RBPMS: variants seen among roughly 807,000 people sequenced by gnomAD.
RBPMS encodes RNA-binding protein with multiple splicing.
In RBPMS, 7 loss-of-function variants were observed where a neutral mutation model predicts 26.8. That is an observed-to-expected ratio of 0.26 (90% CI 0.15 to 0.49). The LOEUF (loss-of-function observed/expected upper bound fraction) is 0.49. RBPMS is among the 20% of genes least tolerant of loss of function. The probability of loss-of-function intolerance (pLI) is 0.98; values close to 1 mark genes in which losing one functional copy is unlikely to be tolerated. For missense variants in RBPMS, 186 were observed against 250.0 expected (o/e 0.74, Z 1.73); for synonymous variants, 96 against 93.3 (o/e 1.03, Z -0.17).
At chr8:30,569,790 G>A (rs1373027022) in intron 8 of RBPMS, among the ~76,000 whole-genome samples, 3 of 152,206 alleles carry the variant, frequency 2.0e-5, no homozygotes, top group East Asian at 3.8e-4. Flanking sequence ...GGGGTGCACA[G>A]GGATGAGTCT....
intron 6 of RBPMS, chr8:30,544,999 G>GA: frequency 6.9e-7 from 1 of 1,449,112 alleles, no homozygotes; most frequent in South Asian, 1.4e-5. Context: ...TGTGCTAGGA[G>GA]AAGGGGATAT....
chr8:30,538,959 T>G (rs1229084828), intron 5 of RBPMS, among the ~76,000 whole-genome samples: 1 of 152,108 alleles, frequency 6.6e-6, no homozygotes, highest in African/African-American at 2.4e-5. Context: ...TGGGCTACAT[T>G]CTTAGTCCTG....
In RBPMS at chr8:30,428,272, C is replaced by T. The variant is rs1257602024; in HGVS notation, c.66+43114C>T. On this transcript the variant is annotated intron_variant, in intron 1 of 8. Transcript: ENST00000397323. Reference sequence around the variant, plus strand: ...TCTTGACCTCGTAATCCGCCTGCCTCGTCCTCCCAAAGTGCTGGGATTACA... The same window carrying T: ...TCTTGACCTCGTAATCCGCCTGCCTTGTCCTCCCAAAGTGCTGGGATTACA... Among the ~76,000 whole-genome samples, 16 of 151,900 alleles carry T rather than the reference C, an allele frequency of 1.1e-4. No homozygotes were observed. In the East Asian group the frequency reaches 2.1e-3, roughly 20 times the overall value.
chr8:30,558,538 C>T, intron 6 of RBPMS: 1 of 406,424 alleles, frequency 2.5e-6, no homozygotes, highest in Non-Finnish European at 4.6e-6. Context: ...GATAGCCTTT[C>T]ACCAGCCTAG....
At position 30,547,391 on chromosome 8, in the gene RBPMS, A is replaced by T. The variant is rs1307329711; in HGVS notation, c.528+2767A>T. On this transcript the variant is annotated intron_variant, in intron 6 of 8. Coordinates refer to ENST00000397323, the MANE Select transcript of RBPMS (RefSeq NM_001008710.3). The stretch of plus-strand genomic sequence containing the variant: ...GAATGTGTTTGTAACATACCAACCT[A>T]CTGCAGACCAGCAGAGGGAGCTCCC... 5 of 1,609,376 alleles carry T rather than the reference A, an allele frequency of 3.1e-6. No individual in the cohort carries two copies. The Admixed American group carries it at 8.5e-5, about 27-fold the overall frequency.
Position 30,424,863 on chromosome 8 carries a change from C to T in RBPMS, c.66+39705C>T, listed in dbSNP as rs527682139. 3.3e-5 allele frequency among the ~76,000 whole-genome samples: 5 copies of T among 152,200 alleles called. No individual in the cohort carries two copies. The South Asian group carries it at 8.3e-4, about 25-fold the overall frequency. On this transcript the variant is annotated intron_variant, in intron 1 of 8. Transcript: ENST00000397323. ...TGTTGTATTTCCAAGTTTTTTGACA[C>T]TCTTGGATTTTATTTTCTTGGGTAC...
At chr8:30,449,160 G>T (rs907799135) in intron 1 of RBPMS, among the ~76,000 whole-genome samples, 1 of 152,154 alleles carries the variant, frequency 6.6e-6, no homozygotes. Flanking sequence ...ATGCTTTGTT[G>T]TGCCTGAAAA....
intron 4 of RBPMS, among the ~76,000 whole-genome samples, chr8:30,499,870 CTGTGTGTGTGTGTGTGTG>C (rs10543546): frequency 0.23 from 35,072 of 150,252 alleles, 4,490 homozygotes; most frequent in East Asian, 0.38. Context: ...TCAGGGGAAA[CTGTGTGTGTGTGTGTGTG>C]TGTGTGTGTG....
intron 5 of RBPMS, among the ~76,000 whole-genome samples, chr8:30,521,244 A>G (rs1822988822): frequency 6.6e-6 from 1 of 152,228 alleles, no homozygotes; most frequent in Non-Finnish European, 1.5e-5. Context: ...TATAGACAGG[A>G]AGACAGTGAT....
At chr8:30,483,601 C>T (rs975130551) in intron 4 of RBPMS, among the ~76,000 whole-genome samples, 6 of 151,724 alleles carry the variant, frequency 4.0e-5, no homozygotes, top group East Asian at 1.9e-4. Flanking sequence ...TTTTTAATTA[C>T]GGTAAAATAC....
chr8:30,486,741 C>T (rs569354342), intron 4 of RBPMS, among the ~76,000 whole-genome samples: 3 of 152,184 alleles, frequency 2.0e-5, no homozygotes, highest in Admixed American at 6.5e-5. Flanking sequence ...AAGAACCACA[C>T]GTTCTCACAC....
intron 5 of RBPMS, among the ~76,000 whole-genome samples, chr8:30,544,219 C>T (rs906018795): frequency 1.3e-5 from 2 of 152,008 alleles, no homozygotes; most frequent in African/African-American, 4.8e-5. Context: ...CAGCTACAGT[C>T]GGAAAGACAT....
At chr8:30,539,680 C>A (rs1825174096) in intron 5 of RBPMS, among the ~76,000 whole-genome samples, 1 of 149,740 alleles carries the variant, frequency 6.7e-6, no homozygotes, top group African/African-American at 2.5e-5. Flanking sequence ...GGCTGGAGTG[C>A]AGTGGTGTGA....
intron 6 of RBPMS, among the ~76,000 whole-genome samples, chr8:30,555,568 AGAG>A (rs1190917897): frequency 3.9e-5 from 6 of 152,130 alleles, no homozygotes; most frequent in African/African-American, 9.7e-5. Flanking sequence ...CTATGGGAGA[AGAG>A]AGAGAGGGTG....
rs924200744 is a variant in RBPMS, at chr8:30,531,016, C to T, written c.398-13478C>T. Among the ~76,000 whole-genome samples the T allele has an allele frequency of 3.9e-5, 6 of 151,912 alleles. No homozygotes were observed. In the South Asian group the frequency reaches 6.2e-4, roughly 16 times the overall value. ...TATATTTTTTCACTTGTTTATGCAA[C>T]TTTTTCCATCTTTATAGACAGGTCT... On this transcript the variant is annotated intron_variant, in intron 5 of 8. Transcript: ENST00000397323.
intron 5 of RBPMS, among the ~76,000 whole-genome samples, chr8:30,505,702 T>C (rs1821006029): frequency 1.3e-5 from 2 of 152,200 alleles, no homozygotes; most frequent in Admixed American, 1.3e-4. Context: ...TAATTCTTCA[T>C]CCTTATAGTA....
intron 7 of RBPMS, 36 bp downstream of exon 7, chr8:30,558,992 C>T (rs1326881717): frequency 6.4e-6 from 10 of 1,569,710 alleles, no homozygotes; most frequent in South Asian, 1.1e-5. Context: ...GTGCGAAGCC[C>T]CTAGAACACA....
chr8:30,552,670 G>A (rs1826491706), intron 6 of RBPMS: 1 of 152,216 alleles, frequency 6.6e-6, no homozygotes, highest in East Asian at 1.9e-4. Flanking sequence ...ATGCTTGGGT[G>A]CTTTTAACCC....
At chr8:30,476,141 A>C (rs1200480545) in intron 2 of RBPMS, among the ~76,000 whole-genome samples, 1 of 152,256 alleles carries the variant, frequency 6.6e-6, no homozygotes, top group Admixed American at 6.5e-5. Context: ...TATATGAATT[A>C]TTAAAGTATT....
Sources: gnomAD v4.1 joint callset for allele counts (sites outside exome capture counted in the v4.1 genomes callset) on GRCh38, gnomAD v4.1.1 for gene constraint, MANE v1.5 for transcripts, NCBI Gene and HGNC (gene_info 2026-07-23, HGNC 2026-07-21) for gene names.